Variants in CFAP70 observed in about 807,000 individuals in gnomAD.
CFAP70 encodes cilia and flagella associated protein 70, also known as cilia- and flagella-associated protein 70.
Under a neutral mutation model 137.6 loss-of-function variants are expected in CFAP70, and 81 were observed. The observed-to-expected ratio is 0.59, with a 90% CI of 0.49 to 0.71. CFAP70 has a LOEUF of 0.71. Ranked by LOEUF, CFAP70 falls within the 30% of genes least tolerant of loss-of-function variation. CFAP70 has a pLI of 0.00. For synonymous variants in CFAP70, 382 were observed against 423.6 expected (o/e 0.90, Z 1.20); for missense variants, 976 against 1,226.7 (o/e 0.80, Z 3.05).
intron 6 of CFAP70, among the ~76,000 whole-genome samples, chr10:73,340,814 G>A (rs2053178646): frequency 6.6e-6 from 1 of 152,250 alleles, no homozygotes; most frequent in Non-Finnish European, 1.5e-5. Flanking sequence ...GGAGTAGGCA[G>A]AGGCCAGGCA....
intron 5 of CFAP70, among the ~76,000 whole-genome samples, chr10:73,342,249 G>A (rs1312000247): frequency 6.6e-6 from 1 of 152,106 alleles, no homozygotes; most frequent in Admixed American, 6.6e-5. Flanking sequence ...TTAAAACAAT[G>A]AGATATCAGC....
chr10:73,328,963 C>T (rs1442083068), intron 8 of CFAP70, among the ~76,000 whole-genome samples: 3 of 149,746 alleles, frequency 2.0e-5, no homozygotes, highest in Admixed American at 1.3e-4. Context: ...CTAGAAATAC[C>T]ATTTGACCCA....
chr10:73,351,647 G>C (rs2054283174), intron 3 of CFAP70, among the ~76,000 whole-genome samples: 1 of 152,098 alleles, frequency 6.6e-6, no homozygotes, highest in Non-Finnish European at 1.5e-5. Flanking sequence ...TGACCAGGCT[G>C]GTCTTGAACT....
chr10:73,300,901 T>G (rs7081058), intron 12 of CFAP70, among the ~76,000 whole-genome samples: 16,081 of 152,268 alleles, frequency 0.11, 1,219 homozygotes, highest in East Asian at 0.3. Flanking sequence ...AGTGCTTATT[T>G]TCCATCAGGT....
chr10:73,272,103 T>C (rs2046360337), intron 24 of CFAP70, among the ~76,000 whole-genome samples: 1 of 152,082 alleles, frequency 6.6e-6, no homozygotes, highest in Non-Finnish European at 1.5e-5. Context: ...TCCCTGCACT[T>C]TGGGGTGGAT....
At chr10:73,292,080 T>C (rs922699780) in intron 16 of CFAP70, 66 bp from the exon 18 acceptor site, 65 of 1,560,494 alleles carry the variant, frequency 4.2e-5, no homozygotes, top group Non-Finnish European at 5.2e-5. Context: ...CGACATCACA[T>C]GGTAAACACT....
At chr10:73,279,111 AT>A (rs1243866992) in intron 19 of CFAP70, 1 of 152,208 alleles carries the variant, frequency 6.6e-6, no homozygotes. Flanking sequence ...CACAGAGAAG[AT>A]TAGCATGGCC....
chr10:73,286,616 T>C (rs2131863235), intron 19 of CFAP70, among the ~76,000 whole-genome samples: 1 of 151,026 alleles, frequency 6.6e-6, no homozygotes, highest in South Asian at 2.1e-4. Flanking sequence ...CCACAGGAGG[T>C]TGGGACACAA....
chr10:73,312,441 G>C (rs78977914), intron 10 of CFAP70, 32 bp downstream of exon 11: 124,430 of 1,510,008 alleles, frequency 0.082, 7,873 homozygotes, highest in East Asian at 0.29. Context: ...TGTAATCTAA[G>C]AGGCAAAATC....
At chr10:73,327,947 C>G (rs2051644553) in intron 8 of CFAP70, among the ~76,000 whole-genome samples, 2 of 152,146 alleles carry the variant, frequency 1.3e-5, no homozygotes, top group African/African-American at 4.8e-5. Context: ...CCATCCCCAT[C>G]AAGCTACCAA....
intron 19 of CFAP70, among the ~76,000 whole-genome samples, chr10:73,285,530 A>T (rs1015130705): frequency 1.3e-5 from 2 of 152,190 alleles, no homozygotes; most frequent in African/African-American, 2.4e-5. Flanking sequence ...ATATTTTTAA[A>T]ACATGCTTGA....
At chr10:73,316,485 T>G (rs556950569) in intron 9 of CFAP70, among the ~76,000 whole-genome samples, 271 of 109,006 alleles carry the variant, frequency 2.5e-3, no homozygotes, top group African/African-American at 9.2e-3. Flanking sequence ...TATATAGATA[T>G]AGATATATAT....
intron 6 of CFAP70, among the ~76,000 whole-genome samples, chr10:73,340,853 G>GA (rs1388044662): frequency 6.6e-6 from 1 of 152,236 alleles, no homozygotes; most frequent in African/African-American, 2.4e-5. Context: ...AAGCCTGTGG[G>GA]GGCAGGAGGG....
At chr10:73,346,943 C>T (rs2073160637) in intron 4 of CFAP70, 1 of 152,080 alleles carries the variant, frequency 6.6e-6, no homozygotes, top group African/African-American at 2.4e-5. Context: ...GTGGGCTGGT[C>T]CAAAGGCAGT....
At chr10:73,297,903 TCA>T (rs1203197487) in intron 14 of CFAP70, among the ~76,000 whole-genome samples, 1 of 152,220 alleles carries the variant, frequency 6.6e-6, no homozygotes, top group Non-Finnish European at 1.5e-5. Context: ...CGTTTCAAGG[TCA>T]CCCAACTAGT....
At chr10:73,281,575 G>GATTTCCATA (rs2047260578) in intron 19 of CFAP70, among the ~76,000 whole-genome samples, 1 of 151,998 alleles carries the variant, frequency 6.6e-6, no homozygotes. Context: ...TGATTTCCAT[G>GATTTCCATA]ACGTAAATTC....
At chr10:73,297,080 C>T (rs746982285) in exon 15 of CFAP70, 1 of 1,613,928 alleles carries the variant, frequency 6.2e-7, no homozygotes, top group Admixed American at 1.7e-5. Context: ...ACTAAGAACA[C>T]ATAGAGCTCA....
intron 15 of CFAP70, 190 bp downstream of exon 16, chr10:73,296,852 G>GT: frequency 4.6e-6 from 2 of 439,072 alleles, no homozygotes; most frequent in Non-Finnish European, 3.8e-6. Flanking sequence ...ATATCTCCTT[G>GT]TTTTTTTCCA....
At chr10:73,299,372 A>G (rs543963487) in intron 13 of CFAP70, among the ~76,000 whole-genome samples, 1 of 152,234 alleles carries the variant, frequency 6.6e-6, no homozygotes, top group Admixed American at 6.5e-5. Context: ...CACACCCAGT[A>G]ATACTTTAAA....
Sources: gnomAD v4.1 joint callset for allele counts (sites outside exome capture counted in the v4.1 genomes callset) on GRCh38, gnomAD v4.1.1 for gene constraint, MANE v1.5 for transcripts, NCBI Gene and HGNC (gene_info 2026-07-23, HGNC 2026-07-21) for gene names.